A2ML1: variants seen among roughly 807,000 people sequenced by gnomAD.
A2ML1 encodes alpha-2-macroglobulin like 1, also known as alpha-2-macroglobulin-like protein 1.
In A2ML1, 161 loss-of-function variants were observed where a neutral mutation model predicts 181.9. The ratio of observed to expected loss-of-function variants is 0.89; its 90% CI spans 0.78 to 1.01. The LOEUF (loss-of-function observed/expected upper bound fraction) is 1.01. A2ML1 is among the 50% of genes least tolerant of loss of function. The pLI is 0.00. For synonymous variants in A2ML1, 663 were observed against 666.8 expected, an observed-to-expected ratio of 0.99 and a Z score of 0.09; for missense variants, 1,670 against 1,768.1, an observed-to-expected ratio of 0.94 and a Z score of 1.00.
At chr12:8,826,449 A>AT (rs557757767) in intron 3 of A2ML1, among the ~76,000 whole-genome samples, 5 of 151,622 alleles carry the variant, frequency 3.3e-5, no homozygotes, top group African/African-American at 4.8e-5. Context: ...ATGTTACTGA[A>AT]TTTTTTTTGT....
At position 8,835,536 on chromosome 12, in the gene A2ML1, G is replaced by A. The variant is rs375832865; in HGVS notation, c.513G>A (p.Trp171Ter). The stretch of plus-strand genomic sequence containing the variant: ...CAAATAGCAACAGGATTGCACAGTG[G>A]CTGGAAGTGGTACCTGAGCAAGGCA... ...QDPNSNRIAQWLEVVPEQGIV... is the reference protein window; with the variant it reads ...QDPNSNRIAQ The change falls in exon 6 of 36, where the codon TGG (tryptophan) becomes TGA (stop). Residue 171 changes from tryptophan to a stop codon, truncating the protein, a stop_gained. Coordinates refer to ENST00000299698, the MANE Select transcript of A2ML1 (RefSeq NM_144670.6). LOFTEE classifies it high-confidence loss of function. 11 of 1,614,046 alleles carry A rather than the reference G, an allele frequency of 6.8e-6. No individual in the cohort carries two copies. The highest frequency in any genetic ancestry group is 9.3e-6 in the Non-Finnish European group (11 of 1,180,034).
chr12:8,852,948 G>A lies in A2ML1; in HGVS notation c.2590+612G>A, dbSNP rs1315403239. The stretch of plus-strand genomic sequence containing the variant: ...TGACCTCAGGTGACCTGCCTGCCTC[G>A]GCCTCCCAAAGTGCTGGGATTACAG... On this transcript the variant is annotated intron_variant, in intron 20 of 35. Transcript: ENST00000299698. The surrounding 1 kb of genome is among the most constrained non-coding windows in gnomAD (Gnocchi z 4.2). 1.3e-5 allele frequency among the ~76,000 whole-genome samples: 2 copies of A among 152,048 alleles called. No individual in the cohort carries two copies. The highest frequency in any genetic ancestry group is 2.9e-5 in the Non-Finnish European group (2 of 68,010).
In A2ML1 at chr12:8,852,393, T is replaced by C. The variant is rs982141975; in HGVS notation, c.2590+57T>C. 2.4e-5 allele frequency: 39 copies of C among 1,605,896 alleles called. No homozygotes were observed. The highest frequency in any genetic ancestry group is 3.1e-5 in the Non-Finnish European group (37 of 1,175,642). The stretch of plus-strand genomic sequence containing the variant: ...AAGCCAGCAGCAGAAGACCAGTGAC[T>C]GAGCACTCAGTCTTTTCCTCTGCCA... On this transcript the variant is annotated intron_variant, in intron 20 of 35. Transcript: ENST00000299698. This position sits in a 1 kb window ranked among gnomAD's most constrained non-coding sequence, Gnocchi z 4.2.
chr12:8,876,986 C>G (rs1011489917), downstream of A2ML1, among the ~76,000 whole-genome samples: 1 of 152,156 alleles, frequency 6.6e-6, no homozygotes, highest in African/African-American at 2.4e-5. Flanking sequence ...CAGCCCGCTA[C>G]TGCAGGGCAA....
At chr12:8,828,784 G>A (rs896924661) in intron 3 of A2ML1, among the ~76,000 whole-genome samples, 2 of 152,236 alleles carry the variant, frequency 1.3e-5, no homozygotes, top group Non-Finnish European at 1.5e-5. Context: ...TCACTGCTGA[G>A]TATTTAGAGC....
chr12:8,822,714 G>C lies in A2ML1; in HGVS notation c.62+1G>C, dbSNP rs200764174. ...CACCAGCCATTGCAGAAGAACTTCC[G>C]TGAGTGCTTGGTGTCAGAATTGGTT... On this transcript the variant is annotated splice_donor_variant, in intron 1 of 35. Coordinates refer to ENST00000299698, the MANE Select transcript of A2ML1 (RefSeq NM_144670.6). LOFTEE classifies it high-confidence loss of function. 3.1e-6 allele frequency: 5 copies of C among 1,613,962 alleles called. No homozygotes were observed. The African/African-American group carries it at 6.7e-5, about 22-fold the overall frequency.
At position 8,852,280 on chromosome 12, in the gene A2ML1, G is replaced by A. The variant is rs764660758; in HGVS notation, c.2534G>A (p.Cys845Tyr). The A allele has an allele frequency of 6.8e-6, 11 of 1,614,148 alleles. No homozygotes were observed. The highest frequency in any genetic ancestry group is 4.5e-5 in the East Asian group (2 of 44,872). The change falls in exon 20 of 36, where the codon TGT becomes TAT. Residue 845 changes from cysteine to tyrosine, a missense_variant. Coordinates refer to ENST00000299698, the MANE Select transcript of A2ML1 (RefSeq NM_144670.6). This position sits in a 1 kb window ranked among gnomAD's most constrained non-coding sequence, Gnocchi z 4.2. ...ESWADSQTSSCLCADDAKTHH... is the reference protein window; with the variant it reads ...ESWADSQTSSYLCADDAKTHH... ...TGGGCAGATTCTCAGACCTCCAGTT[G>A]TCTCTGTGCTGATGACGCAAAAACC...
chr12:8,886,757 G>T (rs938040512), exon 8 of A2ML1: 1 of 152,126 alleles, frequency 6.6e-6, no homozygotes, highest in Admixed American at 6.6e-5. Flanking sequence ...AGTCACATTG[G>T]ATTAGCCACC....
At chr12:8,864,160 T>G in intron 29 of A2ML1, 152 bp downstream of exon 29, 1 of 671,756 alleles carries the variant, frequency 1.5e-6, no homozygotes, top group Non-Finnish European at 2.5e-6. Context: ...ATAAAATGGG[T>G]TATAAGAGCA....
At chr12:8,875,753 G>A (rs1243591185) in intron 35 of A2ML1, 1 of 144,660 alleles carries the variant, frequency 6.9e-6, no homozygotes, top group Non-Finnish European at 1.5e-5. Context: ...CTAAACTCTT[G>A]AAAATAGTTT....
At chr12:8,854,017 C>G in intron 20 of A2ML1, 111 bp from the exon 21 acceptor site, 1 of 1,354,670 alleles carries the variant, frequency 7.4e-7, no homozygotes, top group Non-Finnish European at 9.7e-7. Context: ...GCAGAGTTTG[C>G]ACTGTTGCAA....
intron 16 of A2ML1, among the ~76,000 whole-genome samples, chr12:8,849,408 A>G (rs1943811830): frequency 6.6e-6 from 1 of 152,240 alleles, no homozygotes; most frequent in Admixed American, 6.5e-5. Flanking sequence ...TAAGTCAAAT[A>G]GTAAGGACAT....
intron 11 of A2ML1, among the ~76,000 whole-genome samples, chr12:8,842,436 G>A (rs778737080): frequency 6.2e-4 from 94 of 152,128 alleles, no homozygotes; most frequent in African/African-American, 2.1e-3. Context: ...AGCCAGGATG[G>A]TCTCGATCTC....
chr12:8,828,653 C>T (rs1163447672), intron 3 of A2ML1, among the ~76,000 whole-genome samples: 2 of 152,156 alleles, frequency 1.3e-5, no homozygotes, highest in Admixed American at 6.5e-5. Flanking sequence ...TCTTCCCTCT[C>T]CTTTTCTCAA....
In A2ML1 at chr12:8,869,188, C is replaced by T. The variant is rs1368065605; in HGVS notation, c.4206C>T (p.Asn1402=). 6.2e-7 allele frequency: 1 copy of T among 1,614,064 alleles called. No individual in the cohort carries two copies. Among genetic ancestry groups the T allele is most frequent in the Admixed American group, 1.7e-5 (1 of 60,000 alleles). The change falls in exon 33 of 36, where the codon AAC becomes AAT. Residue 1402 remains asparagine (N), a synonymous_variant. Transcript: ENST00000299698. ...KKVEFGTDTL[N]IYLDELIKNT... The stretch of plus-strand genomic sequence containing the variant: ...TTGAATTTGGAACTGACACACTTAA[C>T]ATTTACTTGGATGAGGTAGGTATTC...
chr12:8,863,919 C>A lies in A2ML1; in HGVS notation c.3628C>A (p.Leu1210Met), dbSNP rs887150035. 1.9e-6 allele frequency: 3 copies of A among 1,614,024 alleles called. No individual in the cohort carries two copies. Among genetic ancestry groups the A allele is most frequent in the Non-Finnish European group, 2.5e-6 (3 of 1,180,044 alleles). Residue 1210 changes from leucine to methionine, a missense_variant, in exon 29 of 36, where the codon CTG becomes ATG. Coordinates refer to ENST00000299698, the MANE Select transcript of A2ML1 (RefSeq NM_144670.6). Reference protein sequence around the residue: ...ALLAQLTKPSLTQKEIAKATS... With the variant: ...ALLAQLTKPSMTQKEIAKATS... ...GTTGGCCCAGCTTACCAAGCCCAGC[C>A]TGACTCAAAAGGAGATAGCGAAGGC...
At position 8,846,070 on chromosome 12, in the gene A2ML1, C is replaced by G. The variant is rs377064864; in HGVS notation, c.1538-7C>G. The G allele has an allele frequency of 6.4e-5, 104 of 1,613,950 alleles. No individual in the cohort carries two copies. Among genetic ancestry groups the G allele is most frequent in the Non-Finnish European group, 8.8e-5 (104 of 1,179,982 alleles). On this transcript the variant is annotated splice_region_variant and splice_polypyrimidine_tract_variant and intron_variant, in intron 13 of 35. Coordinates refer to ENST00000299698, the MANE Select transcript of A2ML1 (RefSeq NM_144670.6). Reference sequence around the variant, plus strand: ...GATTTTCCTGTATATTCCCTCTTCTCTTTCAGGACTGAAAGCCTCCTTCTC... The same window carrying G: ...GATTTTCCTGTATATTCCCTCTTCTGTTTCAGGACTGAAAGCCTCCTTCTC...
chr12:8,871,031 G>T (rs1474490085), intron 33 of A2ML1, among the ~76,000 whole-genome samples: 2 of 151,992 alleles, frequency 1.3e-5, no homozygotes, highest in East Asian at 3.8e-4. Flanking sequence ...CTTATTTTTT[G>T]ATGAACTTAC....
rs1175786847 is a variant in A2ML1 at position 8,842,389 on chromosome 12, T to TG, written c.1249-745_1249-744insG. Among the ~76,000 whole-genome samples, 10 of 137,566 alleles carry TG rather than the reference T, an allele frequency of 7.3e-5. 1 individual carries two copies. Among genetic ancestry groups the TG allele is most frequent in the African/African-American group, 2.5e-4 (10 of 39,908 alleles). The allele number at this position is 137,566 out of a possible 152,430, so 90.2% of individuals were successfully genotyped here. On this transcript the variant is annotated intron_variant, in intron 11 of 35. Transcript: ENST00000299698. ...GCCTGCCACCACGCCCGGCTAATTT[T>TG]TTGTATTTTTTAGTAGAGATGGGGT...
Sources: gnomAD v4.1 joint callset for allele counts (sites outside exome capture counted in the v4.1 genomes callset) on GRCh38, gnomAD v4.1.1 for gene constraint, Gnocchi (gnomAD v3.1) non-coding constraint, MANE v1.5 for transcripts, NCBI Gene and HGNC (gene_info 2026-07-23, HGNC 2026-07-21) for gene names.